Variants in LIN52 observed in about 807,000 individuals in gnomAD.
LIN52 encodes the protein lin-52 DREAM MuvB core complex component.
LIN52 carries 4 observed loss-of-function variants against 18.5 expected under a neutral mutation model. That is an observed-to-expected ratio of 0.22 (90% confidence interval 0.11 to 0.49). The LOEUF is 0.49. Ranked by LOEUF, LIN52 falls within the 20% of genes least tolerant of loss-of-function variation. The pLI, the probability that LIN52 is intolerant of heterozygous loss-of-function variation, is 0.97. For synonymous variants in LIN52, 34 were observed against 45.5 expected (o/e 0.75, Z 1.02); for missense variants, 102 against 139.5 (o/e 0.73, Z 1.35).
chr14:74,095,777 T>C (rs7154777), intron 2 of LIN52, among the ~76,000 whole-genome samples, 171 bp from the exon 3 acceptor site: 2,034 of 152,308 alleles, frequency 0.013, 45 homozygotes, highest in African/African-American at 0.045. Flanking sequence ...TGTCTTGCCA[T>C]AGTCCTGGCA....
intron 5 of LIN52, among the ~76,000 whole-genome samples, chr14:74,160,931 C>T (rs6574166): frequency 0.17 from 26,352 of 152,090 alleles, 2,797 homozygotes; most frequent in East Asian, 0.58. Context: ...TCATCTTTTG[C>T]GTTCTCGTCA....
intron 5 of LIN52, among the ~76,000 whole-genome samples, chr14:74,144,977 C>T (rs1471752137): frequency 6.6e-6 from 1 of 152,122 alleles, no homozygotes; most frequent in African/African-American, 2.4e-5. Flanking sequence ...ACCTTGAAAA[C>T]AAGGCACGTG....
intron 2 of LIN52, among the ~76,000 whole-genome samples, chr14:74,092,849 G>C (rs532964195): frequency 6.6e-6 from 1 of 151,566 alleles, no homozygotes; most frequent in South Asian, 2.1e-4. Flanking sequence ...CCCGGGAGGC[G>C]GAGGTTGCAG....
intron 5 of LIN52, among the ~76,000 whole-genome samples, chr14:74,125,797 C>T (rs2061026101): frequency 6.8e-6 from 1 of 146,886 alleles, no homozygotes; most frequent in East Asian, 2.0e-4. Context: ...GATAAAAAAC[C>T]AAACACCGCA....
At chr14:74,120,552 C>T (rs576877080) in intron 5 of LIN52, among the ~76,000 whole-genome samples, 99 of 152,032 alleles carry the variant, frequency 6.5e-4, no homozygotes, top group Non-Finnish European at 4.9e-4. Context: ...GTCAGGAGTT[C>T]GAGACCATCC....
At chr14:74,176,032 G>A (rs1312894241) in intron 5 of LIN52, among the ~76,000 whole-genome samples, 2 of 152,070 alleles carry the variant, frequency 1.3e-5, no homozygotes, top group African/African-American at 2.4e-5. Context: ...AGGATCATGG[G>A]CATTACTCTC....
At chr14:74,178,880 G>A (rs1310896437) in intron 5 of LIN52, among the ~76,000 whole-genome samples, 1 of 151,642 alleles carries the variant, frequency 6.6e-6, no homozygotes, top group Non-Finnish European at 1.5e-5. Context: ...CAGGAGTTCA[G>A]GACCAGCCTG....
At chr14:74,188,927 A>G (rs1475388435) in intron 5 of LIN52, among the ~76,000 whole-genome samples, 4 of 152,176 alleles carry the variant, frequency 2.6e-5, no homozygotes, top group Non-Finnish European at 2.9e-5. Flanking sequence ...CTGGGGGTCA[A>G]GAAGACTAGG....
At chr14:74,135,221 C>T (rs1190264537) in intron 5 of LIN52, among the ~76,000 whole-genome samples, 16 of 152,144 alleles carry the variant, frequency 1.1e-4, no homozygotes, top group Admixed American at 9.8e-4. Flanking sequence ...CGTACCACCA[C>T]GCCTGGCTGA....
intron 5 of LIN52, among the ~76,000 whole-genome samples, chr14:74,138,825 A>G (rs1188702340): frequency 2.0e-5 from 3 of 151,874 alleles, no homozygotes; most frequent in Admixed American, 1.3e-4. Flanking sequence ...TTAAACTACT[A>G]TCAGGGTTAT....
chr14:74,093,984 A>G (rs1326097875), intron 2 of LIN52, among the ~76,000 whole-genome samples: 2 of 141,700 alleles, frequency 1.4e-5, no homozygotes, highest in Non-Finnish European at 3.1e-5. Flanking sequence ...ACTCTGTCTC[A>G]AAAAAAAAAA....
chr14:74,097,742 G>A, intron 3 of LIN52, 52 bp from the exon 4 acceptor site: 2 of 1,298,572 alleles, frequency 1.5e-6, no homozygotes, highest in South Asian at 2.4e-5. Flanking sequence ...AAGAATAATA[G>A]GGTCTCCTCA....
At chr14:74,164,629 G>C (rs1180352660) in intron 5 of LIN52, among the ~76,000 whole-genome samples, 2 of 152,062 alleles carry the variant, frequency 1.3e-5, no homozygotes, top group African/African-American at 4.8e-5. Flanking sequence ...ATATGCTGAG[G>C]CCATCTCTCC....
rs1566856595 is a variant in LIN52 at position 74,130,289 on chromosome 14, T to TTTTTTTTTTTGTTTTTTTTTTG, written c.283+29058_283+29059insTTTGTTTTTTTTTTGTTTTTTT. Among the ~76,000 whole-genome samples the TTTTTTTTTTTGTTTTTTTTTTG allele has an allele frequency of 1.5e-3, 148 of 101,900 alleles. 3 individuals are homozygous for TTTTTTTTTTTGTTTTTTTTTTG. Among genetic ancestry groups the TTTTTTTTTTTGTTTTTTTTTTG allele is most frequent in the African/African-American group, 5.0e-3 (148 of 29,864 alleles). 66.9% of individuals were successfully genotyped at this position (101,900 alleles called of 152,430 possible). On this transcript the variant is annotated intron_variant, in intron 5 of 5. Transcript: ENST00000555028. Reference sequence around the variant, plus strand: ...ATAGGCATTTTTTGGTTTTTTTTTTTTTTTTTTGAGACAGTCTCGCTCTTT... The same window carrying TTTTTTTTTTTGTTTTTTTTTTG: ...ATAGGCATTTTTTGGTTTTTTTTTTTTTTTTTTTTTGTTTTTTTTTTGTTTTTTTGAGACAGTCTCGCTCTTT...
At position 74,149,575 on chromosome 14, in the gene LIN52, T is replaced by A. The variant is rs538842488; in HGVS notation, c.283+48337T>A. On this transcript the variant is annotated intron_variant, in intron 5 of 5. Transcript: ENST00000555028. ...GGGGAGGGGTTGCCATTATAGTAATTCCGATTCAATTCCAGCAATATTCTT... is the reference window on the plus strand; with the variant it reads ...GGGGAGGGGTTGCCATTATAGTAATACCGATTCAATTCCAGCAATATTCTT... Among the ~76,000 whole-genome samples, 3 of 152,274 alleles carry A rather than the reference T, an allele frequency of 2.0e-5. No individual in the cohort carries two copies. The South Asian group carries it at 6.2e-4, about 32-fold the overall frequency.
intron 5 of LIN52, among the ~76,000 whole-genome samples, chr14:74,141,482 A>G (rs2061130531): frequency 6.6e-6 from 1 of 152,238 alleles, no homozygotes; most frequent in African/African-American, 2.4e-5. Context: ...CTTGGACCTT[A>G]TAAATGAAGC....
chr14:74,114,088 C>A, intron 5 of LIN52: 1 of 964,056 alleles, frequency 1.0e-6, no homozygotes, highest in Non-Finnish European at 1.2e-6. Context: ...TCAAGCAAGT[C>A]CCCCACCTCA....
intron 5 of LIN52, among the ~76,000 whole-genome samples, chr14:74,111,469 TTA>T (rs1391921034): frequency 7.1e-5 from 10 of 141,562 alleles, no homozygotes; most frequent in Non-Finnish European, 1.2e-4. Flanking sequence ...TTTTTTTTTT[TTA>T]ATTTTTATTT....
At chr14:74,190,090 G>A (rs1316175826) in intron 5 of LIN52, among the ~76,000 whole-genome samples, 13 of 152,090 alleles carry the variant, frequency 8.5e-5, no homozygotes, top group Admixed American at 8.5e-4. Flanking sequence ...AACATAGCAA[G>A]ACCCCATATC....
Sources: allele counts gnomAD v4.1 joint callset (sites outside exome capture counted in the v4.1 genomes callset), GRCh38; gene constraint gnomAD v4.1.1; transcripts MANE v1.5; gene names NCBI Gene and HGNC (gene_info 2026-07-23, HGNC 2026-07-21).